Variants in FRMPD4 observed in about 807,000 individuals in gnomAD.
FRMPD4 encodes the protein FERM and PDZ domain-containing protein 4.
FRMPD4 carries 22 observed loss-of-function variants against 94.1 expected under a neutral mutation model. The ratio of observed to expected loss-of-function variants is 0.23; its 90% CI spans 0.17 to 0.33. The LOEUF (loss-of-function observed/expected upper bound fraction) is 0.33. Among genes scored for constraint, FRMPD4 ranks in the 10% least tolerant of loss-of-function variants. FRMPD4 has a pLI of 1.00. For missense variants in FRMPD4, 1,111 were observed against 1,339.9 expected (o/e 0.83, Z 2.67); for synonymous variants, 631 against 548.6 (o/e 1.15, Z -2.10).
At chrX:12,453,793 A>T (rs1039533903) in intron 1 of FRMPD4, among the ~76,000 whole-genome samples, 2 of 112,372 alleles carry the variant, frequency 1.8e-5, no homozygotes, top group Non-Finnish European at 3.8e-5. Context: ...TTTCTGATAT[A>T]GAATGAGCAC....
At chrX:12,321,926 C>T (rs751105030) in intron 1 of FRMPD4, among the ~76,000 whole-genome samples, 2 of 112,047 alleles carry the variant, frequency 1.8e-5, no homozygotes, top group East Asian at 5.6e-4. Flanking sequence ...AGGCACAGCA[C>T]GTTCACATCA....
chrX:12,260,053 C>CT (rs1402624302), intron 1 of FRMPD4, among the ~76,000 whole-genome samples: 2 of 111,385 alleles, frequency 1.8e-5, no homozygotes, highest in Non-Finnish European at 1.9e-5. Context: ...TTGATTATTG[C>CT]TTTTTTTGTC....
chrX:12,349,655 G>C (rs1282812751), intron 1 of FRMPD4, among the ~76,000 whole-genome samples: 1 of 111,589 alleles, frequency 9.0e-6, no homozygotes, highest in African/African-American at 3.3e-5. Context: ...ACTGAAATGA[G>C]TATTATGTCC....
chrX:12,573,883 A>G lies in FRMPD4; in HGVS notation c.159-35838A>G, dbSNP rs142757952. ...AGATATGAAAATCCAGCTATCTTCT[A>G]TTGAGCCAGACATTAAAGATTTTTT... On this transcript the variant is annotated intron_variant, in intron 2 of 16. Coordinates refer to ENST00000675598, the MANE Select transcript of FRMPD4 (RefSeq NM_001368397.1). Among the ~76,000 whole-genome samples the G allele has an allele frequency of 7.3e-4, 82 of 112,967 alleles. 2 individuals are homozygous for G. In the East Asian group the frequency reaches 0.019, roughly 26 times the overall value.
intron 3 of FRMPD4, among the ~76,000 whole-genome samples, chrX:11,974,484 C>A (rs968888430): frequency 8.9e-6 from 1 of 111,780 alleles, no homozygotes; most frequent in Non-Finnish European, 1.9e-5. Context: ...CCATGAGCCA[C>A]GTAAACCTCT....
chrX:12,268,719 G>C (rs1456284014), intron 1 of FRMPD4, among the ~76,000 whole-genome samples: 3 of 112,277 alleles, frequency 2.7e-5, no homozygotes, highest in Admixed American at 9.4e-5. Flanking sequence ...TCTGCAAAGA[G>C]TTATGTTTCT....
At chrX:12,139,550 TTGG>T (rs1264751911) in intron 1 of FRMPD4, among the ~76,000 whole-genome samples, 38 of 95,398 alleles carry the variant, frequency 4.0e-4, no homozygotes, top group African/African-American at 1.7e-3. Flanking sequence ...CTTTTTTTTT[TTGG>T]GGGGGGGGTA....
intron 1 of FRMPD4, among the ~76,000 whole-genome samples, chrX:12,178,786 G>A (rs1421626973): frequency 9.0e-6 from 1 of 111,684 alleles, no homozygotes. Flanking sequence ...GGAGATGGGG[G>A]TGGGGATCAA....
chrX:12,442,173 GA>G (rs1417050339), intron 1 of FRMPD4, among the ~76,000 whole-genome samples: 1 of 43,341 alleles, frequency 2.3e-5, no homozygotes, highest in African/African-American at 1.6e-4. Context: ...AAATATGAAT[GA>G]TAAAATATAT....
intron 1 of FRMPD4, among the ~76,000 whole-genome samples, chrX:12,157,868 C>T (rs1008682866): frequency 2.4e-4 from 27 of 111,963 alleles, no homozygotes; most frequent in Admixed American, 1.7e-3. Flanking sequence ...GCTTTTTGAA[C>T]GACACAGCCA....
intron 3 of FRMPD4, among the ~76,000 whole-genome samples, chrX:12,111,473 G>T (rs1395528052): frequency 1.8e-5 from 2 of 111,307 alleles, no homozygotes; most frequent in Non-Finnish European, 3.8e-5. Context: ...AACCCTAGAA[G>T]AAAACCTAGG....
At position 12,283,956 on chromosome X, in the gene FRMPD4, A is replaced by AG. The variant is rs1459095705; in HGVS notation, c.41+144945dup. Among the ~76,000 whole-genome samples, 5 of 111,997 alleles carry AG rather than the reference A, an allele frequency of 4.5e-5. No homozygotes were observed. The Admixed American group carries it at 4.7e-4, about 11-fold the overall frequency. On this transcript the variant is annotated intron_variant, in intron 1 of 16. Coordinates refer to ENST00000675598, the MANE Select transcript of FRMPD4 (RefSeq NM_001368397.1). ...ATGAACTATGATAATAGGTGTTAAG[A>AG]GAAAAAAAATTCCATGGCCAACTAG...
chrX:12,528,625 T>C lies in FRMPD4; in HGVS notation c.158+29829T>C, dbSNP rs144940145. ...GAGCCACTGCACCCCTGGCCCAGTC[T>C]GGTAATTTCTTTCACTTCTGATGCA... On this transcript the variant is annotated intron_variant, in intron 2 of 16. Transcript: ENST00000675598. Among the ~76,000 whole-genome samples the C allele has an allele frequency of 1.5e-3, 163 of 111,780 alleles. 2 individuals are homozygous for C. The East Asian group carries it at 0.038, about 26-fold the overall frequency.
intron 3 of FRMPD4, among the ~76,000 whole-genome samples, chrX:12,105,794 G>A (rs2055292280): frequency 8.9e-6 from 1 of 111,984 alleles, no homozygotes; most frequent in African/African-American, 3.2e-5. Context: ...GATGAGCAAG[G>A]TGATGACGGT....
chrX:12,587,015 C>T (rs1238199062), intron 2 of FRMPD4, among the ~76,000 whole-genome samples: 3 of 107,920 alleles, frequency 2.8e-5, no homozygotes, highest in Non-Finnish European at 5.7e-5. Context: ...CTCACTCTGT[C>T]GCCCAGGCTG....
chrX:11,887,450 C>A (rs1007842847), intron 3 of FRMPD4, among the ~76,000 whole-genome samples: 1 of 112,152 alleles, frequency 8.9e-6, no homozygotes, highest in Non-Finnish European at 1.9e-5. Context: ...CTGCACATAG[C>A]CCCTCCAGTA....
intron 3 of FRMPD4, among the ~76,000 whole-genome samples, chrX:11,902,110 C>G (rs768783872): frequency 1.7e-4 from 19 of 112,360 alleles, no homozygotes; most frequent in Non-Finnish European, 3.4e-4. Flanking sequence ...GAACAGTTTT[C>G]TATAGGTCAG....
chrX:12,713,759 C>T (rs2042031750), intron 14 of FRMPD4, among the ~76,000 whole-genome samples: 2 of 111,838 alleles, frequency 1.8e-5, no homozygotes, highest in African/African-American at 6.5e-5. Context: ...GCCCCCAAAC[C>T]ACATTCTTCC....
chrX:12,150,301 T>C (rs373474889), intron 1 of FRMPD4, among the ~76,000 whole-genome samples: 21 of 112,131 alleles, frequency 1.9e-4, no homozygotes, highest in Admixed American at 8.5e-4. Flanking sequence ...ATTCATCAGA[T>C]TGCACTGCTC....
Sources: gnomAD v4.1 joint callset for allele counts (sites outside exome capture counted in the v4.1 genomes callset) on GRCh38, gnomAD v4.1.1 for gene constraint, MANE v1.5 for transcripts, NCBI Gene and HGNC (gene_info 2026-07-23, HGNC 2026-07-21) for gene names.